Variants in ACACB observed in about 807,000 individuals in gnomAD.
ACACB encodes acetyl-CoA carboxylase beta, also known as acetyl-CoA carboxylase 2.
Under a neutral mutation model 278.8 loss-of-function variants are expected in ACACB, and 209 were observed. The ratio of observed to expected loss-of-function variants is 0.75; its 90% CI spans 0.67 to 0.84. ACACB has a LOEUF of 0.84. ACACB is among the 40% of genes least tolerant of loss of function. The pLI is 0.00. For missense variants in ACACB, 2,850 were observed against 3,269.0 expected (o/e 0.87, Z 3.13); for synonymous variants, 1,174 against 1,285.6 (o/e 0.91, Z 1.86).
intron 28 of ACACB, among the ~76,000 whole-genome samples, chr12:109,228,283 C>T (rs1433881478): frequency 6.6e-6 from 1 of 151,338 alleles, no homozygotes; most frequent in Admixed American, 6.6e-5. Context: ...TTGCAGTGAG[C>T]TGAGATTGCA....
At chr12:109,209,756 G>A (rs1451014400) in intron 21 of ACACB, among the ~76,000 whole-genome samples, 1 of 149,970 alleles carries the variant, frequency 6.7e-6, no homozygotes, top group Non-Finnish European at 1.5e-5. Flanking sequence ...GATCATCTGG[G>A]AGCTCCATGT....
chr12:109,223,924 A>G lies in ACACB; in HGVS notation c.3882+20A>G, dbSNP rs1455112406. On this transcript the variant is annotated intron_variant, in intron 27 of 52. Coordinates refer to ENST00000338432, the MANE Select transcript of ACACB (RefSeq NM_001093.4). ...TTGGAGGTAAGCAGGAGAGGCCCAG[A>G]GAACAGCACTGACCATGCCAGTTCT... is the stretch of plus-strand genomic sequence containing the variant. 1 of 1,601,246 alleles carries G rather than the reference A, an allele frequency of 6.2e-7. No homozygotes were observed. Among genetic ancestry groups the G allele is most frequent in the East Asian group, 2.2e-5 (1 of 44,830 alleles).
At chr12:109,253,845 A>G (rs2047157723) in intron 43 of ACACB, among the ~76,000 whole-genome samples, 1 of 152,150 alleles carries the variant, frequency 6.6e-6, no homozygotes, top group Non-Finnish European at 1.5e-5. Context: ...CCTTTTCCCC[A>G]TCTGCATGCC....
rs535884422 is a variant in ACACB at position 109,227,566 on chromosome 12, C to T, written c.4001+77C>T. 7.7e-6 allele frequency: 11 copies of T among 1,431,698 alleles called. No individual in the cohort carries two copies. In the South Asian group the frequency reaches 1.2e-4, roughly 16 times the overall value. 88.7% of individuals were successfully genotyped at this position (1,431,698 alleles called of 1,614,324 possible). Reference sequence around the variant, plus strand: ...CTCTGTCGTCCTGTCTCTGGAAGGACCTGGCAAGTGTGTTTGGGCACGCTG... The same window carrying T: ...CTCTGTCGTCCTGTCTCTGGAAGGATCTGGCAAGTGTGTTTGGGCACGCTG... On this transcript the variant is annotated intron_variant, in intron 28 of 52. Coordinates refer to ENST00000338432, the MANE Select transcript of ACACB (RefSeq NM_001093.4).
At chr12:109,232,875 C>T in intron 29 of ACACB, 69 bp downstream of exon 29, 2 of 1,583,004 alleles carry the variant, frequency 1.3e-6, no homozygotes, top group Non-Finnish European at 1.7e-6. Context: ...TGAATCCCCC[C>T]CCAATTCACT....
intron 1 of ACACB, among the ~76,000 whole-genome samples, chr12:109,122,104 G>A (rs1198316920): frequency 6.6e-6 from 1 of 152,224 alleles, no homozygotes; most frequent in Non-Finnish European, 1.5e-5. Context: ...AGAGGGGTCA[G>A]TGTGGCAGAG....
chr12:109,126,133 A>C (rs976734893), intron 1 of ACACB, among the ~76,000 whole-genome samples: 4 of 152,228 alleles, frequency 2.6e-5, no homozygotes, highest in African/African-American at 9.6e-5. Context: ...GGAGAAGCGA[A>C]GAAGGATAGG....
chr12:109,139,618 C>A lies in ACACB; in HGVS notation c.213C>A (p.Pro71=). 1.2e-6 allele frequency: 2 copies of A among 1,614,126 alleles called. No individual in the cohort carries two copies. The highest frequency in any genetic ancestry group is 1.7e-6 in the Non-Finnish European group (2 of 1,180,004). ...NGEGHTLPKT[P]SQAEPASHKG... is the part of the protein sequence containing the mutation. The stretch of plus-strand genomic sequence containing the variant: ...AGGGCCACACTCTGCCCAAGACACC[C>A]AGCCAGGCCGAGCCAGCCTCCCACA... The change falls in exon 2 of 53, where the codon CCC becomes CCA. Residue 71 remains proline, a synonymous_variant. Coordinates refer to ENST00000338432, the MANE Select transcript of ACACB (RefSeq NM_001093.4).
intron 1 of ACACB, chr12:109,131,267 C>T (rs547407780): frequency 2.6e-5 from 4 of 152,626 alleles, no homozygotes; most frequent in African/African-American, 4.8e-5. Flanking sequence ...TCACCCATGT[C>T]GGAGTGCTGG....
Position 109,167,945 on chromosome 12 carries a change from T to C in ACACB, c.836T>C (p.Ile279Thr). 6.2e-7 allele frequency: 1 copy of C among 1,613,874 alleles called. No individual in the cohort carries two copies. Among genetic ancestry groups the C allele is most frequent in the Non-Finnish European group, 8.5e-7 (1 of 1,179,900 alleles). ...GCCGCCGTGAAGTGCATGCGCTCCATCCGCAGGTGGGCCTATGAGATGTTC... is the reference window on the plus strand; with the variant it reads ...GCCGCCGTGAAGTGCATGCGCTCCACCCGCAGGTGGGCCTATGAGATGTTC... ...GIAAVKCMRS[I>T]RRWAYEMFRN... Residue 279 changes from isoleucine to threonine, a missense_variant, in exon 4 of 53, where the codon ATC (isoleucine) becomes ACC (threonine). Physicochemically the swap from Ile to Thr is moderately conservative, Grantham distance 89. Coordinates refer to ENST00000338432, the MANE Select transcript of ACACB (RefSeq NM_001093.4).
chr12:109,168,153 CTG>C (rs1285376150), intron 4 of ACACB, 119 bp downstream of exon 4: 5 of 1,116,806 alleles, frequency 4.5e-6, no homozygotes, highest in East Asian at 2.7e-5. Flanking sequence ...TCTCATGAGT[CTG>C]TATTTATTTG....
rs560211955 is a variant in ACACB at position 109,212,128 on chromosome 12, G to C, written c.3250-708G>C. 3.3e-5 allele frequency among the ~76,000 whole-genome samples: 5 copies of C among 152,200 alleles called. No homozygotes were observed. The East Asian group carries it at 9.7e-4, about 29-fold the overall frequency. ...ATTTTGAGCGCTTGAATTCCTCACCGTTGAGGGGATGAACAGGGGTGTTTC... is the reference window on the plus strand; with the variant it reads ...ATTTTGAGCGCTTGAATTCCTCACCCTTGAGGGGATGAACAGGGGTGTTTC... On this transcript the variant is annotated intron_variant, in intron 21 of 52. Transcript: ENST00000338432.
chr12:109,217,741 A>T (rs192710796), intron 24 of ACACB, among the ~76,000 whole-genome samples: 3 of 152,292 alleles, frequency 2.0e-5, no homozygotes, highest in Admixed American at 2.0e-4. Flanking sequence ...TTGAGGCTGC[A>T]GTAAGCTGTG....
intron 24 of ACACB, among the ~76,000 whole-genome samples, chr12:109,222,126 C>A (rs2046185230): frequency 6.6e-6 from 1 of 151,982 alleles, no homozygotes; most frequent in Admixed American, 6.6e-5. Flanking sequence ...CTCCTGAGCT[C>A]AAGCGATCCT....
At chr12:109,210,235 A>ATATATACACACATATATGTGTG (rs1217482493) in intron 21 of ACACB, among the ~76,000 whole-genome samples, 1 of 21,092 alleles carries the variant, frequency 4.7e-5, no homozygotes, top group South Asian at 2.4e-3. Flanking sequence ...GTGTATATGT[A>ATATATACACACATATATGTGTG]TATATGTATA....
chr12:109,182,496 T>C (rs1483190890), intron 11 of ACACB, among the ~76,000 whole-genome samples: 2 of 152,170 alleles, frequency 1.3e-5, no homozygotes, highest in South Asian at 2.1e-4. Context: ...ACCTCCTGAG[T>C]AGCTGAGACT....
At chr12:109,262,541 T>A in intron 49 of ACACB, 72 bp downstream of exon 49, 1 of 886,402 alleles carries the variant, frequency 1.1e-6, no homozygotes, top group Non-Finnish European at 1.8e-6. Flanking sequence ...TGGGGGTTTC[T>A]AGGATGTTAA....
In ACACB at chr12:109,234,028, A is replaced by G. The variant is rs1008357337; in HGVS notation, c.4330A>G (p.Thr1444Ala). The part of the protein sequence containing the change: ...EDEALVPILR[T>A]FVQSKKNILV... Reference sequence around the variant, plus strand: ...TGAGGCACTGGTGCCGATTTTACGGACATTCGTACAGTCCAAGGTACTCTG... The same window carrying G: ...TGAGGCACTGGTGCCGATTTTACGGGCATTCGTACAGTCCAAGGTACTCTG... The change falls in exon 31 of 53, where the codon ACA becomes GCA. Residue 1444 changes from threonine to alanine, a missense_variant. Physicochemically the swap from Thr to Ala is moderately conservative, Grantham distance 58. Coordinates refer to ENST00000338432, the MANE Select transcript of ACACB (RefSeq NM_001093.4). The G allele has an allele frequency of 1.2e-6, 2 of 1,612,474 alleles. No individual in the cohort carries two copies. Among genetic ancestry groups the G allele is most frequent in the African/African-American group, 2.7e-5 (2 of 74,888 alleles).
At chr12:109,155,884 T>C (rs781402732) in intron 2 of ACACB, among the ~76,000 whole-genome samples, 2 of 152,200 alleles carry the variant, frequency 1.3e-5, no homozygotes, top group Non-Finnish European at 2.9e-5. Context: ...CGATTTATGA[T>C]TTATGCCTAG....
Sources: gnomAD v4.1 joint callset for allele counts (sites outside exome capture counted in the v4.1 genomes callset) on GRCh38, gnomAD v4.1.1 for gene constraint, MANE v1.5 for transcripts, NCBI Gene and HGNC (gene_info 2026-07-23, HGNC 2026-07-21) for gene names.